Variants in ATRNL1 observed in about 807,000 individuals in gnomAD.
ATRNL1 encodes the protein attractin-like protein 1.
A neutral mutation model predicts 182.7 loss-of-function variants in ATRNL1; 95 were observed. The observed-to-expected ratio is 0.52, with a 90% CI of 0.44 to 0.62. ATRNL1 has a LOEUF of 0.62. Among genes scored for constraint, ATRNL1 ranks in the 20% least tolerant of loss-of-function variants. The pLI is 0.00. For missense variants in ATRNL1, 1,471 were observed against 1,679.5 expected (o/e 0.88, Z 2.17); for synonymous variants, 576 against 568.3 (o/e 1.01, Z -0.19).
chr10:115,902,398 C>A (rs1952382365), intron 28 of ATRNL1, among the ~76,000 whole-genome samples: 1 of 151,914 alleles, frequency 6.6e-6, no homozygotes, highest in African/African-American at 2.4e-5. Context: ...GTGTGGATGG[C>A]CAAAATTTAT....
intron 8 of ATRNL1, among the ~76,000 whole-genome samples, chr10:115,194,822 A>G (rs1487199370): frequency 6.7e-6 from 1 of 148,154 alleles, no homozygotes; most frequent in Non-Finnish European, 1.5e-5. Flanking sequence ...AGTATATTTT[A>G]ATTTCTTGCT....
intron 19 of ATRNL1, among the ~76,000 whole-genome samples, chr10:115,346,883 TTATC>T (rs1321852984): frequency 3.3e-5 from 5 of 152,134 alleles, no homozygotes; most frequent in African/African-American, 7.2e-5. Flanking sequence ...TTTTGATAGT[TTATC>T]TATTTTTTTA....
intron 25 of ATRNL1, among the ~76,000 whole-genome samples, chr10:115,531,324 C>G (rs1851567222): frequency 6.6e-6 from 1 of 152,002 alleles, no homozygotes; most frequent in African/African-American, 2.4e-5. Flanking sequence ...GCCATTCTGA[C>G]TGGTGTGAGA....
In ATRNL1 at chr10:115,408,876, G is replaced by T. The variant is rs549832911; in HGVS notation, c.3269+14124G>T. On this transcript the variant is annotated intron_variant, in intron 20 of 28. Transcript: ENST00000355044. ...TTCTTGGCATCTTTGTCAAAAATCA[G>T]TTGGCTGTAGATATGTAATTTCTGT... Among the ~76,000 whole-genome samples, 52 of 152,220 alleles carry T rather than the reference G, an allele frequency of 3.4e-4. 1 individual carries two copies. In the South Asian group the frequency reaches 0.01, roughly 30 times the overall value.
intron 27 of ATRNL1, among the ~76,000 whole-genome samples, chr10:115,764,598 G>A (rs1173111435): frequency 6.6e-6 from 1 of 152,108 alleles, no homozygotes; most frequent in African/African-American, 2.4e-5. Context: ...ATAATATGTA[G>A]ACTTTTCAGA....
At chr10:115,580,752 G>C (rs1304952771) in intron 26 of ATRNL1, among the ~76,000 whole-genome samples, 1 of 151,382 alleles carries the variant, frequency 6.6e-6, no homozygotes, top group Admixed American at 6.6e-5. Flanking sequence ...GTCCCATAAA[G>C]CTGTCTTCAG....
intron 28 of ATRNL1, among the ~76,000 whole-genome samples, chr10:115,887,364 T>G (rs2134454377): frequency 6.6e-6 from 1 of 152,328 alleles, no homozygotes; most frequent in Non-Finnish European, 1.5e-5. Flanking sequence ...AGTTCTGAAG[T>G]TAGGAAGTGC....
At chr10:115,695,902 T>C (rs1340392696) in intron 26 of ATRNL1, among the ~76,000 whole-genome samples, 3 of 151,608 alleles carry the variant, frequency 2.0e-5, no homozygotes, top group Non-Finnish European at 4.4e-5. Flanking sequence ...TACAACATTT[T>C]CTTTTTTTTT....
intron 26 of ATRNL1, among the ~76,000 whole-genome samples, chr10:115,594,783 A>G (rs921922844): frequency 6.6e-6 from 1 of 152,114 alleles, no homozygotes; most frequent in Non-Finnish European, 1.5e-5. Flanking sequence ...GGAATTACAG[A>G]TGTGAGCCAC....
chr10:115,829,196 C>A (rs1394993024), intron 27 of ATRNL1, among the ~76,000 whole-genome samples: 1 of 152,056 alleles, frequency 6.6e-6, no homozygotes, highest in Admixed American at 6.6e-5. Context: ...AATGACCAGA[C>A]CTACAGGAAG....
chr10:115,819,451 T>C (rs1950241865), intron 27 of ATRNL1, among the ~76,000 whole-genome samples: 1 of 152,092 alleles, frequency 6.6e-6, no homozygotes, highest in African/African-American at 2.4e-5. Context: ...GAATTCAAAA[T>C]ATTTGTTAAG....
chr10:115,375,869 A>G (rs1210250741), intron 19 of ATRNL1, among the ~76,000 whole-genome samples: 3 of 152,088 alleles, frequency 2.0e-5, no homozygotes, highest in Non-Finnish European at 4.4e-5. Context: ...TGATTTATAT[A>G]CCACTGTTAC....
chr10:115,708,464 C>A (rs190712828), intron 26 of ATRNL1, among the ~76,000 whole-genome samples: 1 of 151,630 alleles, frequency 6.6e-6, no homozygotes, highest in African/African-American at 2.4e-5. Context: ...AATCTATATA[C>A]GTTGATAATT....
At chr10:115,464,855 T>C (rs1847977191) in intron 22 of ATRNL1, among the ~76,000 whole-genome samples, 1 of 151,642 alleles carries the variant, frequency 6.6e-6, no homozygotes, top group South Asian at 2.1e-4. Flanking sequence ...AAAAATCCAC[T>C]CCTCAGAGCA....
intron 26 of ATRNL1, among the ~76,000 whole-genome samples, chr10:115,687,414 G>T (rs1250171970): frequency 7.9e-5 from 12 of 151,880 alleles, no homozygotes; most frequent in Non-Finnish European, 1.8e-4. Context: ...ATGTCCTCTG[G>T]GTACACCTGT....
At chr10:115,640,173 C>G (rs770747307) in intron 26 of ATRNL1, among the ~76,000 whole-genome samples, 3 of 152,172 alleles carry the variant, frequency 2.0e-5, no homozygotes, top group Non-Finnish European at 4.4e-5. Flanking sequence ...TCCAGTCTAT[C>G]ACTGATGGGC....
At chr10:115,433,083 T>A (rs1846244225) in intron 21 of ATRNL1, among the ~76,000 whole-genome samples, 1 of 152,094 alleles carries the variant, frequency 6.6e-6, no homozygotes, top group South Asian at 2.1e-4. Context: ...TTATTTCATC[T>A]TTTACTCTTT....
At position 115,342,336 on chromosome 10, in the gene ATRNL1, T is replaced by C. The variant is rs1311474760; in HGVS notation, c.3175+7917T>C. Among the ~76,000 whole-genome samples the C allele has an allele frequency of 4.6e-5, 7 of 152,198 alleles. No individual in the cohort carries two copies. In the East Asian group the frequency reaches 1.3e-3, roughly 29 times the overall value. ...ATATGATATAGTTTTTTAGTTTTTA[T>C]TTTTTGTGTATCCATTGTATGTTTT... On this transcript the variant is annotated intron_variant, in intron 19 of 28. Transcript: ENST00000355044.
At chr10:115,595,406 T>C (rs536088620) in intron 26 of ATRNL1, among the ~76,000 whole-genome samples, 1 of 152,342 alleles carries the variant, frequency 6.6e-6, no homozygotes, top group Non-Finnish European at 1.5e-5. Flanking sequence ...TTTGTAATAT[T>C]ATATATTAAC....
Sources: gnomAD v4.1 joint callset for allele counts (sites outside exome capture counted in the v4.1 genomes callset) on GRCh38, gnomAD v4.1.1 for gene constraint, MANE v1.5 for transcripts, NCBI Gene and HGNC (gene_info 2026-07-23, HGNC 2026-07-21) for gene names.